The following MEF2A variants were observed in gnomAD, a reference collection of about 807,000 sequenced individuals.
MEF2A encodes myocyte enhancer factor 2A, also known as myocyte-specific enhancer factor 2A.
MEF2A carries 28 observed loss-of-function variants against 55.8 expected under a neutral mutation model. That is an observed-to-expected ratio of 0.50 (90% CI 0.37 to 0.69). The LOEUF (loss-of-function observed/expected upper bound fraction) is 0.69, where lower values mean the gene tolerates loss of function less well. Ranked by LOEUF, MEF2A falls within the 30% of genes least tolerant of loss-of-function variation. The probability of loss-of-function intolerance (pLI) is 0.00; values close to 1 mark genes in which losing one functional copy is unlikely to be tolerated. For missense variants in MEF2A, 528 were observed against 626.2 expected (o/e 0.84, Z 1.67); for synonymous variants, 239 against 227.1 (o/e 1.05, Z -0.47).
At chr15:99,697,912 T>G (rs1302570131) in intron 8 of MEF2A, among the ~76,000 whole-genome samples, 1 of 152,072 alleles carries the variant, frequency 6.6e-6, no homozygotes, top group African/African-American at 2.4e-5. Context: ...CTCAGAAAAT[T>G]TACACCTATA....
chr15:99,685,160 T>G (rs1191760251), intron 7 of MEF2A, among the ~76,000 whole-genome samples: 2 of 152,234 alleles, frequency 1.3e-5, no homozygotes, highest in Non-Finnish European at 2.9e-5. Context: ...TGCTTAGTCT[T>G]GCTTTGGCTA....
chr15:99,644,078 G>A (rs2045526128), intron 3 of MEF2A, among the ~76,000 whole-genome samples: 1 of 152,142 alleles, frequency 6.6e-6, no homozygotes, highest in East Asian at 1.9e-4. Context: ...CAGTTTACTA[G>A]CTAACAGAAT....
At chr15:99,596,648 G>T (rs983836190) in intron 1 of MEF2A, among the ~76,000 whole-genome samples, 2 of 152,172 alleles carry the variant, frequency 1.3e-5, no homozygotes, top group Non-Finnish European at 2.9e-5. Context: ...GGGATTGGTT[G>T]AATCACCGGA....
At chr15:99,576,841 G>GT (rs1406277402) in intron 1 of MEF2A, among the ~76,000 whole-genome samples, 1 of 151,916 alleles carries the variant, frequency 6.6e-6, no homozygotes, top group East Asian at 1.9e-4. Flanking sequence ...TAGAGACGGG[G>GT]TTTCACCCTG....
At chr15:99,575,125 C>T (rs933491288) in intron 1 of MEF2A, among the ~76,000 whole-genome samples, 7 of 151,848 alleles carry the variant, frequency 4.6e-5, no homozygotes, top group African/African-American at 7.3e-5. Flanking sequence ...GTTCCCTTAC[C>T]CCTAAATACT....
At chr15:99,633,437 G>T (rs2043248396) in intron 3 of MEF2A, among the ~76,000 whole-genome samples, 1 of 152,100 alleles carries the variant, frequency 6.6e-6, no homozygotes, top group East Asian at 1.9e-4. Flanking sequence ...CCAATCCATT[G>T]TATAGATTTC....
At chr15:99,612,433 A>G (rs75536444) in intron 2 of MEF2A, among the ~76,000 whole-genome samples, 4 of 152,110 alleles carry the variant, frequency 2.6e-5, no homozygotes, top group Admixed American at 2.0e-4. Flanking sequence ...CAAACAAAAC[A>G]CTGAATTATT....
chr15:99,667,853 AC>A (rs2050100527), intron 4 of MEF2A, among the ~76,000 whole-genome samples: 1 of 152,128 alleles, frequency 6.6e-6, no homozygotes, highest in Non-Finnish European at 1.5e-5. Context: ...CAAGGTACAA[AC>A]CCCCTAGAAT....
At chr15:99,593,213 C>G (rs992096510) in intron 1 of MEF2A, among the ~76,000 whole-genome samples, 19 of 152,122 alleles carry the variant, frequency 1.2e-4, no homozygotes, top group Admixed American at 6.6e-5. Context: ...TTACCTCAGA[C>G]TTCCTGAATT....
rs1273590493 is a variant in MEF2A at position 99,712,524 on chromosome 15, AGCAGCAGCAGCAGCC to A, written c.1274_1288del (p.Gln425_Pro429del). 5 of 1,544,012 alleles carry A rather than the reference AGCAGCAGCAGCAGCC, an allele frequency of 3.2e-6. No individual in the cohort carries two copies. The South Asian group carries it at 3.6e-5, about 11-fold the overall frequency. ...GGCTTCCAGCAGCAGCAGCAGCAGC[AGCAGCAGCAGCAGCC>A]GCCGCCACCACCGCAGCCCCAGCCA... On this transcript the variant is annotated inframe_deletion, in exon 12 of 12. Coordinates refer to ENST00000557942, the MANE Select transcript of MEF2A (RefSeq NM_001319206.4). The surrounding 1 kb of genome is among the most constrained non-coding windows in gnomAD (Gnocchi z 4.1).
In MEF2A at chr15:99,710,686, A is replaced by G. The variant is rs1398416229; in HGVS notation, c.1062A>G (p.Pro354=). 1.9e-6 allele frequency: 3 copies of G among 1,613,682 alleles called. No individual in the cohort carries two copies. Among genetic ancestry groups the G allele is most frequent in the South Asian group, 1.1e-5 (1 of 91,074 alleles). ...CAGCCCTTCAAGGCTTCAACTCGCC[A>G]GGAATGCTGTCGCTGGGACAGGTGT... ...DLSALQGFNS[P]GMLSLGQVSA... Residue 354 remains proline, a synonymous_variant, in exon 11 of 12, where the codon CCA becomes CCG. Transcript: ENST00000557942.
chr15:99,586,527 C>T (rs1254064317), intron 1 of MEF2A, among the ~76,000 whole-genome samples: 1 of 151,934 alleles, frequency 6.6e-6, no homozygotes, highest in East Asian at 1.9e-4. Context: ...GGTTATTTGC[C>T]TTCTTATTAC....
chr15:99,658,440 T>A (rs2048104342), intron 4 of MEF2A, among the ~76,000 whole-genome samples: 1 of 152,140 alleles, frequency 6.6e-6, no homozygotes, highest in Admixed American at 6.5e-5. Context: ...AGGAGGATCA[T>A]GTTTAGAAGT....
intron 2 of MEF2A, among the ~76,000 whole-genome samples, chr15:99,629,741 C>G (rs1161641450): frequency 6.6e-6 from 1 of 152,002 alleles, no homozygotes; most frequent in African/African-American, 2.4e-5. Flanking sequence ...TCATTGTATC[C>G]CATCCTGGCT....
intron 5 of MEF2A, 195 bp downstream of exon 5, chr15:99,671,649 A>G: frequency 6.3e-7 from 1 of 1,580,606 alleles, no homozygotes; most frequent in African/African-American, 1.4e-5. Context: ...GCGGAATCAT[A>G]AAATCGCAGT....
At chr15:99,635,525 C>G (rs974726338) in intron 3 of MEF2A, among the ~76,000 whole-genome samples, 1 of 152,018 alleles carries the variant, frequency 6.6e-6, no homozygotes, top group African/African-American at 2.4e-5. Context: ...TGAATTTTTG[C>G]ACAAAGAAGA....
intron 4 of MEF2A, among the ~76,000 whole-genome samples, chr15:99,648,742 G>A (rs11631947): frequency 0.27 from 40,929 of 151,926 alleles, 6,752 homozygotes; most frequent in Non-Finnish European, 0.36. Context: ...TTAACATGGC[G>A]TCTTCATTAG....
chr15:99,698,445 A>C (rs2056843497), intron 8 of MEF2A, among the ~76,000 whole-genome samples: 1 of 152,218 alleles, frequency 6.6e-6, no homozygotes. Flanking sequence ...AGGGAATTGA[A>C]AATTAAAACC....
chr15:99,613,594 A>G (rs1280001400), intron 2 of MEF2A, among the ~76,000 whole-genome samples: 1 of 152,150 alleles, frequency 6.6e-6, no homozygotes, highest in African/African-American at 2.4e-5. Flanking sequence ...GTGGGAAGTA[A>G]GAAGCTCAAG....
Sources: gnomAD v4.1 joint callset for allele counts (sites outside exome capture counted in the v4.1 genomes callset) on GRCh38, gnomAD v4.1.1 for gene constraint, Gnocchi (gnomAD v3.1) non-coding constraint, MANE v1.5 for transcripts, NCBI Gene and HGNC (gene_info 2026-07-23, HGNC 2026-07-21) for gene names.